Variants in TBX5 observed in about 807,000 individuals in gnomAD.
TBX5 encodes T-box transcription factor TBX5.
Under a neutral mutation model 51.1 loss-of-function variants are expected in TBX5, and 8 were observed. That is an observed-to-expected ratio of 0.16 (90% CI 0.09 to 0.28). The LOEUF (loss-of-function observed/expected upper bound fraction) is 0.28, where lower values mean the gene tolerates loss of function less well. TBX5 is among the 10% of genes least tolerant of loss of function. The probability of loss-of-function intolerance (pLI) is 1.00; values close to 1 mark genes in which losing one functional copy is unlikely to be tolerated. For synonymous variants in TBX5, 302 were observed against 266.4 expected (o/e 1.13, Z -1.30); for missense variants, 589 against 671.7 (o/e 0.88, Z 1.36).
At chr12:114,385,341 T>C in intron 7 of TBX5, 135 bp downstream of exon 7, 1 of 789,026 alleles carries the variant, frequency 1.3e-6, no homozygotes, top group Non-Finnish European at 2.2e-6. Flanking sequence ...AGGGGGCTCA[T>C]TCTCCCCATT....
chr12:114,387,383 T>G (rs923745206), intron 6 of TBX5, among the ~76,000 whole-genome samples: 1 of 152,248 alleles, frequency 6.6e-6, no homozygotes, highest in African/African-American at 2.4e-5. Flanking sequence ...TGCACCTATG[T>G]GTATTCACCA....
chr12:114,383,543 G>T (rs1293365372), intron 7 of TBX5, among the ~76,000 whole-genome samples: 2 of 152,130 alleles, frequency 1.3e-5, no homozygotes, highest in African/African-American at 4.8e-5. Flanking sequence ...ACTGCAAAGA[G>T]AACTTGCCTG....
chr12:114,387,863 G>A (rs1870908224), intron 6 of TBX5, among the ~76,000 whole-genome samples: 1 of 152,132 alleles, frequency 6.6e-6, no homozygotes, highest in African/African-American at 2.4e-5. Context: ...TGGATATGGG[G>A]TCTCAATCTA....
intron 2 of TBX5, among the ~76,000 whole-genome samples, chr12:114,403,066 G>T (rs2136423278): frequency 6.6e-6 from 1 of 152,380 alleles, no homozygotes; most frequent in Admixed American, 6.5e-5. Flanking sequence ...AGCGCCCAGT[G>T]CGTCCTGGGT....
chr12:114,368,224 A>G (rs952310915), intron 7 of TBX5, among the ~76,000 whole-genome samples: 1 of 152,190 alleles, frequency 6.6e-6, no homozygotes, highest in African/African-American at 2.4e-5. Context: ...GGTCATAGCA[A>G]CTCAGGAGGC....
At chr12:114,390,437 C>T (rs1034167332) in intron 6 of TBX5, among the ~76,000 whole-genome samples, 3 of 152,174 alleles carry the variant, frequency 2.0e-5, no homozygotes, top group East Asian at 1.9e-4. Context: ...ACCGGATATC[C>T]GGGAGAGATT....
chr12:114,384,662 A>G (rs1212383557), intron 7 of TBX5, among the ~76,000 whole-genome samples: 1 of 151,598 alleles, frequency 6.6e-6, no homozygotes, highest in Non-Finnish European at 1.5e-5. Flanking sequence ...AAACATCCAA[A>G]AGGATCTCAT....
chr12:114,366,005 G>T, intron 8 of TBX5, 160 bp downstream of exon 8: 2 of 861,236 alleles, frequency 2.3e-6, no homozygotes, highest in Admixed American at 2.1e-5. Context: ...TTTTGTTTTA[G>T]CTGTTTGGTT....
chr12:114,373,319 G>A (rs964872379), intron 7 of TBX5, among the ~76,000 whole-genome samples: 3 of 152,138 alleles, frequency 2.0e-5, no homozygotes, highest in Admixed American at 6.5e-5. Flanking sequence ...TTTGCATAAC[G>A]GAGAACAAGA....
At chr12:114,408,306 A>C, upstream of TBX5, 3 of 768,790 alleles carry the variant, frequency 3.9e-6, no homozygotes, top group Non-Finnish European at 4.7e-6. Flanking sequence ...TAAGACACAA[A>C]TAGAGCCAAG....
Position 114,355,810 on chromosome 12 carries a change from A to C in TBX5, c.1279T>G (p.Ser427Ala). The C allele has an allele frequency of 6.2e-7, 1 of 1,614,108 alleles. No homozygotes were observed. The highest frequency in any genetic ancestry group is 8.5e-7 in the Non-Finnish European group (1 of 1,180,032). The change falls in exon 9 of 9, where the codon TCC becomes GCC. Residue 427 changes from serine to alanine, a missense_variant. Ser to Ala is a moderately conservative substitution (Grantham distance 99). Coordinates refer to ENST00000405440, the MANE Select transcript of TBX5 (RefSeq NM_181486.4). The part of the protein sequence containing the change: ...PMDRLPYQHF[S>A]AHFTSGPLVP... ...AGGGGCCCCGAGGTGAAGTGAGCGG[A>C]GAAGTGCTGGTAGGGTAGCCTGTCC...
chr12:114,380,464 C>T (rs1012372758), intron 7 of TBX5, among the ~76,000 whole-genome samples: 6 of 152,172 alleles, frequency 3.9e-5, no homozygotes, highest in Non-Finnish European at 7.3e-5. Context: ...TAACTCCCCT[C>T]CCTTCCTTGC....
intron 7 of TBX5, among the ~76,000 whole-genome samples, chr12:114,383,014 C>G (rs1039110397): frequency 2.6e-4 from 40 of 152,018 alleles, no homozygotes; most frequent in South Asian, 1.7e-3. Flanking sequence ...AGAAAAGACT[C>G]CCTTGATGAC....
At chr12:114,384,216 G>A (rs1870666862) in intron 7 of TBX5, among the ~76,000 whole-genome samples, 1 of 151,898 alleles carries the variant, frequency 6.6e-6, no homozygotes, top group African/African-American at 2.4e-5. Context: ...AGGAATGTGT[G>A]CACAGATGTA....
chr12:114,404,548 C>A (rs1270566368), intron 1 of TBX5, among the ~76,000 whole-genome samples: 2 of 152,134 alleles, frequency 1.3e-5, no homozygotes, highest in Admixed American at 1.3e-4. Flanking sequence ...ACACCTTTTA[C>A]CAGTTACAGG....
rs143971376 is a variant in TBX5, at chr12:114,355,796, G to C, written c.1293C>G (p.Thr431=). The C allele has an allele frequency of 1.5e-4, 239 of 1,614,074 alleles. No individual in the cohort carries two copies. The highest frequency in any genetic ancestry group is 1.9e-4 in the Non-Finnish European group (219 of 1,180,054). The stretch of plus-strand genomic sequence containing the variant: ...CCAGCCGAGGGACCAGGGGCCCCGA[G>C]GTGAAGTGAGCGGAGAAGTGCTGGT... The part of the protein sequence containing the change: ...LPYQHFSAHF[T]SGPLVPRLAG... Residue 431 remains threonine, a synonymous_variant, in exon 9 of 9, where the codon ACC becomes ACG. Transcript: ENST00000405440.
At position 114,354,397 on chromosome 12, in the gene TBX5, CT is replaced by C. The variant is rs1473114791; in HGVS notation, c.*1134del. On this transcript the variant is annotated 3_prime_UTR_variant, in exon 9 of 9. Transcript: ENST00000405440. ...CTTTACTTACACACTTTTTTTAATA[CT>C]GTTTTCGGCTTTCAGTAAACACAGT... is the stretch of plus-strand genomic sequence containing the variant. 7.9e-5 allele frequency: 12 copies of C among 151,976 alleles called. No individual in the cohort carries two copies. The highest frequency in any genetic ancestry group is 2.9e-4 in the African/African-American group (12 of 41,372). The allele number at this position is 151,976 out of a possible 1,614,324, so 9.4% of individuals were successfully genotyped here.
intron 7 of TBX5, among the ~76,000 whole-genome samples, chr12:114,370,556 G>A (rs1310338943): frequency 6.6e-6 from 1 of 152,052 alleles, no homozygotes; most frequent in East Asian, 1.9e-4. Flanking sequence ...GGTGATGCCT[G>A]TCTTCCTCGC....
chr12:114,392,233 A>G (rs1210635197), intron 6 of TBX5, among the ~76,000 whole-genome samples: 3 of 151,776 alleles, frequency 2.0e-5, no homozygotes, highest in Non-Finnish European at 2.9e-5. Context: ...GCAGGCAGGC[A>G]TTCATGCACA....
Sources: allele counts gnomAD v4.1 joint callset (sites outside exome capture counted in the v4.1 genomes callset), GRCh38; gene constraint gnomAD v4.1.1; transcripts MANE v1.5; gene names NCBI Gene and HGNC (gene_info 2026-07-23, HGNC 2026-07-21).